The following CGRRF1 variants were observed in gnomAD, a reference collection of about 807,000 sequenced individuals.
CGRRF1 encodes cell growth regulator with RING finger domain protein 1.
CGRRF1 carries 32 observed loss-of-function variants against 37.2 expected under a neutral mutation model. The ratio of observed to expected loss-of-function variants is 0.86; its 90% CI spans 0.65 to 1.16. The LOEUF (loss-of-function observed/expected upper bound fraction) is 1.16, where lower values mean the gene tolerates loss of function less well. CGRRF1 is among the 50% of genes most tolerant of loss of function. The pLI is 0.00. For missense variants in CGRRF1, 391 were observed against 382.6 expected (o/e 1.02, Z -0.18); for synonymous variants, 141 against 140.3 (o/e 1.00, Z -0.04).
intron 2 of CGRRF1, among the ~76,000 whole-genome samples, chr14:54,527,439 T>C (rs945894308): frequency 6.6e-6 from 1 of 152,144 alleles, no homozygotes; most frequent in East Asian, 1.9e-4. Flanking sequence ...TGTGCACATG[T>C]ACCCTAAAAC....
Position 54,513,566 on chromosome 14 carries a change from T to TTTATGTTATGTTATGTTATG in CGRRF1, c.104+3535_104+3554dup, listed in dbSNP as rs150170270. Among the ~76,000 whole-genome samples, 12 of 146,652 alleles carry TTTATGTTATGTTATGTTATG rather than the reference T, an allele frequency of 8.2e-5. No homozygotes were observed. The South Asian group carries it at 1.3e-3, about 16-fold the overall frequency. ...AGACTTGCTAAAAATTGGACACAGT[T>TTTATGTTATGTTATGTTATG]TTATGTTATGTTATGTTATGTTATG... On this transcript the variant is annotated intron_variant, in intron 1 of 5. Transcript: ENST00000216420.
At chr14:54,510,809 T>C (rs1426977025) in intron 1 of CGRRF1, among the ~76,000 whole-genome samples, 1 of 152,192 alleles carries the variant, frequency 6.6e-6, no homozygotes, top group Non-Finnish European at 1.5e-5. Flanking sequence ...AGACAAGCCT[T>C]GTAAATAACG....
At chr14:54,533,654 TTTTTA>T (rs2032555994) in intron 4 of CGRRF1, among the ~76,000 whole-genome samples, 2 of 152,182 alleles carry the variant, frequency 1.3e-5, no homozygotes, top group South Asian at 2.1e-4. Flanking sequence ...AATAAAATCA[TTTTTA>T]TTTTAACAGC....
rs2032103463 is a variant in CGRRF1 at position 54,510,051 on chromosome 14, T to G, written c.92T>G (p.Leu31Arg). The G allele has an allele frequency of 6.2e-7, 1 of 1,610,878 alleles. No individual in the cohort carries two copies. The change falls in exon 1 of 6, where the codon CTG (leucine) becomes CGG (arginine). Residue 31 changes from leucine to arginine, a missense_variant. Transcript: ENST00000216420. ...VFTCFIVTTG[L>R]VLGWFGWDVP... ...ACCTGCTTCATCGTGACCACCGGCC[T>G]GGTATTGGGATGGTAAGTGTCCCAG...
Position 54,537,711 on chromosome 14 carries a change from T to G in CGRRF1, c.571-11T>G, listed in dbSNP as rs1292600686. On this transcript the variant is annotated splice_polypyrimidine_tract_variant and intron_variant, in intron 4 of 5. Transcript: ENST00000216420. ...TTTTAAGTACTGACCAGTGTTCAATTTTTATTTTAGATTTCCATGGTGTCA... is the reference window on the plus strand; with the variant it reads ...TTTTAAGTACTGACCAGTGTTCAATGTTTATTTTAGATTTCCATGGTGTCA... 1 of 1,545,804 alleles carries G rather than the reference T, an allele frequency of 6.5e-7. No individual in the cohort carries two copies. Among genetic ancestry groups the G allele is most frequent in the Non-Finnish European group, 8.7e-7 (1 of 1,152,166 alleles).
At chr14:54,524,387 T>G (rs372213224) in intron 2 of CGRRF1, among the ~76,000 whole-genome samples, 4 of 146,536 alleles carry the variant, frequency 2.7e-5, no homozygotes, top group East Asian at 3.9e-4. Context: ...AAATATATGT[T>G]TTTTTTTTTT....
At chr14:54,535,359 TCACACACACACACACACACA>T (rs143950400) in intron 4 of CGRRF1, among the ~76,000 whole-genome samples, 2 of 140,498 alleles carry the variant, frequency 1.4e-5, no homozygotes, top group Non-Finnish European at 3.1e-5. Context: ...AAGGGTATAG[TCACACACACACACACACACA>T]CACACACACA....
intron 1 of CGRRF1, among the ~76,000 whole-genome samples, chr14:54,515,090 G>T (rs867063875): frequency 0.028 from 3,499 of 123,616 alleles, 49 homozygotes; most frequent in African/African-American, 0.039. Flanking sequence ...TGAGTTTTTT[G>T]TTTTTTTTTT....
chr14:54,528,560 C>T (rs1038141600), intron 2 of CGRRF1, among the ~76,000 whole-genome samples: 3 of 151,918 alleles, frequency 2.0e-5, no homozygotes, highest in Admixed American at 6.6e-5. Flanking sequence ...GTATCTACCT[C>T]CAGCTTTTTT....
chr14:54,519,950 C>T (rs1348961811), intron 1 of CGRRF1, among the ~76,000 whole-genome samples: 1 of 152,204 alleles, frequency 6.6e-6, no homozygotes, highest in Non-Finnish European at 1.5e-5. Context: ...TTTATCCATA[C>T]ATTGGTCTAT....
In CGRRF1 at chr14:54,537,840, C is replaced by T. The variant is rs1474072972; in HGVS notation, c.678+11C>T. On this transcript the variant is annotated intron_variant, in intron 5 of 5. Coordinates refer to ENST00000216420, the MANE Select transcript of CGRRF1 (RefSeq NM_006568.3). Reference sequence around the variant, plus strand: ...TTTCATGATCTTAAGGTAAGCCGTACTCTGTAGTCTTATCTCTGTCTCTTT... The same window carrying T: ...TTTCATGATCTTAAGGTAAGCCGTATTCTGTAGTCTTATCTCTGTCTCTTT... 17 of 1,588,814 alleles carry T rather than the reference C, an allele frequency of 1.1e-5. No individual in the cohort carries two copies. The highest frequency in any genetic ancestry group is 4.5e-5 in the East Asian group (2 of 44,040).
intron 1 of CGRRF1, among the ~76,000 whole-genome samples, chr14:54,521,801 C>T (rs1181714121): frequency 2.6e-5 from 4 of 152,108 alleles, no homozygotes; most frequent in African/African-American, 9.7e-5. Context: ...GCCACCACAC[C>T]CGGCCAATAG....
intron 4 of CGRRF1, among the ~76,000 whole-genome samples, chr14:54,532,152 TA>T (rs1385746653): frequency 2.6e-5 from 4 of 152,292 alleles, no homozygotes; most frequent in South Asian, 2.1e-4. Flanking sequence ...TTTTTGAGTT[TA>T]TTTTTTTTAG....
intron 2 of CGRRF1, among the ~76,000 whole-genome samples, chr14:54,528,315 T>C (rs1295731801): frequency 6.6e-6 from 1 of 151,900 alleles, no homozygotes; most frequent in Non-Finnish European, 1.5e-5. Flanking sequence ...CTATTCACTT[T>C]TAATAGCTTC....
intron 1 of CGRRF1, among the ~76,000 whole-genome samples, chr14:54,513,156 G>A (rs372917835): frequency 6.6e-6 from 1 of 152,156 alleles, no homozygotes; most frequent in African/African-American, 2.4e-5. Flanking sequence ...ATGGGATCCT[G>A]GTGAGAAAAC....
Position 54,530,879 on chromosome 14 carries a change from A to G in CGRRF1, c.423-24A>G, listed in dbSNP as rs766427764. On this transcript the variant is annotated intron_variant, in intron 3 of 5. Transcript: ENST00000216420. ...TTTTGTTCTTATGGTTATAGTGGCA[A>G]TTTACCTTTACATTTTCAAAAAGTA... The G allele has an allele frequency of 6.5e-6, 10 of 1,541,022 alleles. No individual in the cohort carries two copies. The South Asian group carries it at 1.0e-4, about 16-fold the overall frequency.
rs745876551 is a variant in CGRRF1 at position 54,530,128 on chromosome 14, T to C, written c.324T>C (p.Tyr108=). The change falls in exon 3 of 6, where the codon TAT becomes TAC. Residue 108 remains tyrosine, a synonymous_variant. Coordinates refer to ENST00000216420, the MANE Select transcript of CGRRF1 (RefSeq NM_006568.3). The part of the protein sequence containing the change: ...CYWGCSVQKL[Y]EALQKHVYCF... ...GGGGGTGCAGTGTTCAAAAATTATA[T>C]GAAGCTCTGCAGAAGCATGTTTATT... is the stretch of plus-strand genomic sequence containing the variant. 5 of 1,613,488 alleles carry C rather than the reference T, an allele frequency of 3.1e-6. No homozygotes were observed. The East Asian group carries it at 6.7e-5, about 22-fold the overall frequency.
intron 4 of CGRRF1, among the ~76,000 whole-genome samples, chr14:54,532,068 C>T (rs1411040629): frequency 1.3e-5 from 2 of 152,022 alleles, no homozygotes; most frequent in Non-Finnish European, 2.9e-5. Flanking sequence ...AAGAAAAATC[C>T]CAGTCATTCA....
chr14:54,534,127 T>A (rs2140066795), intron 4 of CGRRF1, among the ~76,000 whole-genome samples: 1 of 151,366 alleles, frequency 6.6e-6, no homozygotes, highest in Admixed American at 6.6e-5. Flanking sequence ...CAAAATTGGT[T>A]TTTTTTTTGT....
Sources: allele counts gnomAD v4.1 joint callset (sites outside exome capture counted in the v4.1 genomes callset), GRCh38; gene constraint gnomAD v4.1.1; transcripts MANE v1.5; gene names NCBI Gene and HGNC (gene_info 2026-07-23, HGNC 2026-07-21).